Variants in TSHZ3 observed in about 807,000 individuals in gnomAD.
TSHZ3 encodes the protein teashirt zinc finger homeobox 3.
TSHZ3 carries 10 observed loss-of-function variants against 64.5 expected under a neutral mutation model. The ratio of observed to expected loss-of-function variants is 0.16; its 90% confidence interval spans 0.10 to 0.26. The LOEUF (loss-of-function observed/expected upper bound fraction) is 0.26. TSHZ3 is among the 10% of genes least tolerant of loss of function. The probability of loss-of-function intolerance (pLI) is 1.00; values close to 1 mark genes in which losing one functional copy is unlikely to be tolerated. For missense variants in TSHZ3, 1,242 were observed against 1,421.7 expected (o/e 0.87, Z 2.03); for synonymous variants, 608 against 593.1 (o/e 1.03, Z -0.36).
intron 4 of TSHZ3, among the ~76,000 whole-genome samples, chr19:31,216,345 C>A (rs1975329152): frequency 6.6e-6 from 1 of 152,024 alleles, no homozygotes; most frequent in Admixed American, 6.6e-5. Context: ...CACTTTGCTG[C>A]AAAAGGAGGG....
intron 1 of TSHZ3, among the ~76,000 whole-genome samples, chr19:31,318,138 T>C (rs546690918): frequency 3.1e-4 from 47 of 152,380 alleles, no homozygotes; most frequent in South Asian, 2.3e-3. Flanking sequence ...CAAAATGTTC[T>C]TGCATAAAAC....
At chr19:31,203,786 C>A (rs1975121838) in intron 5 of TSHZ3, among the ~76,000 whole-genome samples, 1 of 151,726 alleles carries the variant, frequency 6.6e-6, no homozygotes, top group Admixed American at 6.6e-5. Context: ...TTTTCTCTTC[C>A]CTTTCTTCTT....
intron 4 of TSHZ3, among the ~76,000 whole-genome samples, chr19:31,206,106 TG>T (rs1568347653): frequency 0.015 from 2,196 of 151,370 alleles, 49 homozygotes; most frequent in African/African-American, 0.051. Flanking sequence ...GATGGATGGA[TG>T]GATGGATGGA....
chr19:31,243,185 A>T (rs1975718126), intron 1 of TSHZ3, among the ~76,000 whole-genome samples: 1 of 152,160 alleles, frequency 6.6e-6, no homozygotes, highest in African/African-American at 2.4e-5. Flanking sequence ...ATAACTACTG[A>T]CTGTTTATAT....
In TSHZ3 at chr19:31,160,021, C is replaced by T. The variant is rs529311105; in HGVS notation, n.810-3604G>A. The stretch of plus-strand genomic sequence containing the variant: ...TGCTCTTGAAGATAGCAAAAACACA[C>T]TTCCCCCTGGAGGAATAAATAATAC... On this transcript the variant is annotated intron_variant and non_coding_transcript_variant, in intron 5 of 6. Coordinates refer to the TSHZ3 transcript ENST00000651361. 3.1e-4 allele frequency among the ~76,000 whole-genome samples: 47 copies of T among 152,312 alleles called. 1 individual carries two copies. The East Asian group carries it at 7.7e-3, about 25-fold the overall frequency.
chr19:31,338,510 C>G (rs995638508), intron 1 of TSHZ3, among the ~76,000 whole-genome samples: 1 of 151,950 alleles, frequency 6.6e-6, no homozygotes, highest in African/African-American at 2.4e-5. Flanking sequence ...ACCAAGCCAA[C>G]CAAAAGATTT....
chr19:31,269,026 T>C (rs1468458966), intron 1 of TSHZ3, among the ~76,000 whole-genome samples: 1 of 152,102 alleles, frequency 6.6e-6, no homozygotes, highest in African/African-American at 2.4e-5. Flanking sequence ...GAGCAGCCCC[T>C]GCTGCCCAGC....
intron 1 of TSHZ3, among the ~76,000 whole-genome samples, chr19:31,252,584 A>T (rs1975857026): frequency 6.6e-6 from 1 of 152,122 alleles, no homozygotes; most frequent in African/African-American, 2.4e-5. Context: ...AGAAGATCTG[A>T]TGGTTTTATA....
chr19:31,167,158 A>G (rs1974465781), intron 5 of TSHZ3, among the ~76,000 whole-genome samples: 1 of 152,188 alleles, frequency 6.6e-6, no homozygotes, highest in South Asian at 2.1e-4. Flanking sequence ...TATATATTTA[A>G]ATGAGAAAAG....
intron 1 of TSHZ3, among the ~76,000 whole-genome samples, chr19:31,347,956 G>A (rs1489201395): frequency 2.0e-5 from 3 of 152,170 alleles, no homozygotes; most frequent in African/African-American, 4.8e-5. Flanking sequence ...ATGGGCACCA[G>A]CCAATGCCCT....
At chr19:31,200,795 C>T (rs535216945) in intron 5 of TSHZ3, among the ~76,000 whole-genome samples, 2 of 152,026 alleles carry the variant, frequency 1.3e-5, no homozygotes, top group South Asian at 2.1e-4. Flanking sequence ...ACAGTGTGGG[C>T]TGTTGGTAAT....
intron 3 of TSHZ3, among the ~76,000 whole-genome samples, chr19:31,228,168 CAAGTT>C (rs368590907): frequency 1.3e-5 from 2 of 152,216 alleles, no homozygotes; most frequent in Non-Finnish European, 2.9e-5. Context: ...GGAGCATTGC[CAAGTT>C]AAGTTAAGAG....
downstream of TSHZ3, among the ~76,000 whole-genome samples, chr19:31,273,960 T>A (rs1380646041): frequency 6.6e-6 from 1 of 152,206 alleles, no homozygotes; most frequent in Non-Finnish European, 1.5e-5. Flanking sequence ...CAACTCATTT[T>A]AAATTGTAGT....
At chr19:31,205,450 G>A (rs542962785) in intron 4 of TSHZ3, among the ~76,000 whole-genome samples, 1 of 152,268 alleles carries the variant, frequency 6.6e-6, no homozygotes, top group South Asian at 2.1e-4. Context: ...TCTTTCTCCT[G>A]AAGGGCACTG....
At chr19:31,286,488 G>A (rs1976466464) in intron 1 of TSHZ3, among the ~76,000 whole-genome samples, 1 of 152,196 alleles carries the variant, frequency 6.6e-6, no homozygotes, top group South Asian at 2.1e-4. Context: ...GGTCAAGGAA[G>A]GTGGAAAAAT....
chr19:31,217,639 C>T (rs1174316195), intron 4 of TSHZ3, among the ~76,000 whole-genome samples: 3 of 152,146 alleles, frequency 2.0e-5, no homozygotes, highest in African/African-American at 7.2e-5. Context: ...TGATGAACTG[C>T]ACTAACACAT....
At chr19:31,177,512 C>G (rs1421498381) in intron 5 of TSHZ3, among the ~76,000 whole-genome samples, 2 of 152,218 alleles carry the variant, frequency 1.3e-5, no homozygotes, top group Non-Finnish European at 1.5e-5. Flanking sequence ...CTTCACATAC[C>G]CTTCTCCTCT....
intron 4 of TSHZ3, among the ~76,000 whole-genome samples, chr19:31,223,322 AG>A (rs1282237363): frequency 1.3e-5 from 2 of 151,728 alleles, no homozygotes; most frequent in African/African-American, 4.8e-5. Flanking sequence ...ACCTTCTCCC[AG>A]GTAGGTCTGT....
intron 5 of TSHZ3, chr19:31,167,666 T>C (rs545517634): frequency 7.9e-5 from 12 of 152,324 alleles, no homozygotes; most frequent in African/African-American, 2.6e-4. Flanking sequence ...GAGCCACACA[T>C]TTTTTTCTGT....
Sources: allele counts gnomAD v4.1 joint callset (sites outside exome capture counted in the v4.1 genomes callset), GRCh38; gene constraint gnomAD v4.1.1; transcripts MANE v1.5; gene names NCBI Gene and HGNC (gene_info 2026-07-23, HGNC 2026-07-21).